Variants in C3AR1 observed in about 807,000 individuals in gnomAD.
C3AR1 encodes complement C3a receptor 1, also known as C3a anaphylatoxin chemotactic receptor.
For missense variants in C3AR1, 579 were observed against 583.5 expected, an observed-to-expected ratio of 0.99 and a Z score of 0.08; for synonymous variants, 208 against 225.3, an observed-to-expected ratio of 0.92 and a Z score of 0.69.
rs186404289 is a variant in C3AR1, at chr12:8,064,727, C to T, written c.-11+1551G>A. On this transcript the variant is annotated intron_variant, in intron 1 of 1. Transcript: ENST00000307637. ...AGAAGAAGAAATTATTCTCATTCCC[C>T]TTTCCATGGCCTTGTCTACTCAGAT... Among the ~76,000 whole-genome samples the T allele has an allele frequency of 3.7e-4, 56 of 151,824 alleles. 1 individual carries two copies. Among genetic ancestry groups the T allele is most frequent in the African/African-American group, 1.3e-3 (54 of 41,424 alleles).
At position 8,059,986 on chromosome 12, in the gene C3AR1, G is replaced by A. The variant is rs751672588; in HGVS notation, c.200C>T (p.Ala67Val). The change falls in exon 2 of 2, where the codon GCG becomes GTG. Residue 67 changes from alanine to valine, a missense_variant. By Grantham distance (64) the Ala-to-Val change is moderately conservative (BLOSUM62 0). Coordinates refer to ENST00000307637, the MANE Select transcript of C3AR1 (RefSeq NM_004054.4). ...NTIWFLHLTL[A>V]DLLCCLSLPF... The stretch of plus-strand genomic sequence containing the variant: ...CAAGGAGAGGCAGCAGAGGAGGTCC[G>A]CCAAGGTGAGGTGGAGGAACCAAAT... 20 of 1,613,926 alleles carry A rather than the reference G, an allele frequency of 1.2e-5. No individual in the cohort carries two copies. Among genetic ancestry groups the A allele is most frequent in the Admixed American group, 6.7e-5 (4 of 59,984 alleles).
In C3AR1 at chr12:8,058,611, T is replaced by G; in HGVS notation, c.*126A>C. 84 of 1,067,004 alleles carry G rather than the reference T, an allele frequency of 7.9e-5. No individual in the cohort carries two copies. The highest frequency in any genetic ancestry group is 1.0e-4 in the Non-Finnish European group (75 of 732,322). 66.1% of individuals were successfully genotyped at this position (1,067,004 alleles called of 1,614,324 possible). ...TGATGTCAATAGTCTGTGTACCGTT[T>G]GAGAACCGCTGGATTGATTCTTTGA... On this transcript the variant is annotated 3_prime_UTR_variant, in exon 2 of 2. Transcript: ENST00000307637.
rs1216592881 is a variant in C3AR1, at chr12:8,057,339, TAATG to T, written c.*1394_*1397del. Among the ~76,000 whole-genome samples the T allele has an allele frequency of 6.6e-6, 1 of 152,206 alleles. No individual in the cohort carries two copies. Among genetic ancestry groups the T allele is most frequent in the Non-Finnish European group, 1.5e-5 (1 of 68,028 alleles). On this transcript the variant is annotated 3_prime_UTR_variant, in exon 2 of 2. Coordinates refer to ENST00000307637, the MANE Select transcript of C3AR1 (RefSeq NM_004054.4). ...CATGAATGAATTAAAATATGGTTAT[TAATG>T]AATGTTGGGATGCTGGATAAACAAA...
intron 1 of C3AR1, among the ~76,000 whole-genome samples, chr12:8,063,232 A>G (rs1947295703): frequency 6.6e-6 from 1 of 152,146 alleles, no homozygotes; most frequent in Non-Finnish European, 1.5e-5. Flanking sequence ...CCGGGATTAC[A>G]GATGTGAGCC....
intron 1 of C3AR1, among the ~76,000 whole-genome samples, chr12:8,062,949 C>CTT (rs71451936): frequency 0.027 from 1,545 of 56,324 alleles, 206 homozygotes; most frequent in African/African-American, 0.04. Context: ...GCGCCCGGCC[C>CTT]TTTTTTTTTT....
At chr12:8,065,696 C>T (rs1413564935) in intron 1 of C3AR1, among the ~76,000 whole-genome samples, 1 of 142,132 alleles carries the variant, frequency 7.0e-6, no homozygotes, top group Non-Finnish European at 1.5e-5. Flanking sequence ...AGCAAGATTA[C>T]TTTTTACATT....
Position 8,059,530 on chromosome 12 carries a change from T to C in C3AR1, c.656A>G (p.Asn219Ser). The stretch of plus-strand genomic sequence containing the variant: ...AGTGGGGACTGTCCAAGGATGATCA[T>C]TTGTTTGGAAAGAGGAAGGATCTAA... The part of the protein sequence containing the change: ...DRLDPSSFQT[N>S]DHPWTVPTVF... The change falls in exon 2 of 2, where the codon AAT becomes AGT. Residue 219 changes from asparagine to serine, a missense_variant. Coordinates refer to ENST00000307637, the MANE Select transcript of C3AR1 (RefSeq NM_004054.4). The C allele has an allele frequency of 6.2e-7, 1 of 1,614,168 alleles. No homozygotes were observed. Among genetic ancestry groups the C allele is most frequent in the South Asian group, 1.1e-5 (1 of 91,080 alleles).
intron 1 of C3AR1, among the ~76,000 whole-genome samples, chr12:8,064,169 T>C (rs760547751): frequency 2.6e-5 from 4 of 152,212 alleles, no homozygotes; most frequent in African/African-American, 4.8e-5. Context: ...AAATTCTAAT[T>C]TGTATCCATG....
chr12:8,063,838 G>A (rs1038758184), intron 1 of C3AR1, among the ~76,000 whole-genome samples: 12 of 151,968 alleles, frequency 7.9e-5, no homozygotes, highest in African/African-American at 2.7e-4. Flanking sequence ...TTGGGGGGCC[G>A]AGGGGAGAAG....
rs1188281739 is a variant in C3AR1, at chr12:8,059,135, T to A, written c.1051A>T (p.Ile351Phe). 6.2e-7 allele frequency: 1 copy of A among 1,614,080 alleles called. No individual in the cohort carries two copies. The highest frequency in any genetic ancestry group is 1.3e-5 in the African/African-American group (1 of 74,922). The stretch of plus-strand genomic sequence containing the variant: ...ATGAAGCTGTAACAGGCTATCATGA[T>A]AACAGAGGGCAGCAGGAAACCCACC... Reference protein sequence around the residue: ...LVVGFLLPSVIMIACYSFIVF... With the variant: ...LVVGFLLPSVFMIACYSFIVF... The change falls in exon 2 of 2, where the codon ATC becomes TTC. Residue 351 changes from isoleucine to phenylalanine, a missense_variant. Ile to Phe is a conservative substitution (Grantham distance 21). Coordinates refer to ENST00000307637, the MANE Select transcript of C3AR1 (RefSeq NM_004054.4).
rs376269642 is a variant in C3AR1 at position 8,059,953 on chromosome 12, G to A, written c.233C>T (p.Ser78Leu). 61 of 1,614,058 alleles carry A rather than the reference G, an allele frequency of 3.8e-5. No individual in the cohort carries two copies. In the South Asian group the frequency reaches 4.8e-4, roughly 13 times the overall value. The change falls in exon 2 of 2, where the codon TCG (serine) becomes TTG (leucine). Residue 78 changes from serine to leucine, a missense_variant. Physicochemically the swap from Ser to Leu is moderately radical, Grantham distance 145. Coordinates refer to ENST00000307637, the MANE Select transcript of C3AR1 (RefSeq NM_004054.4). ...DLLCCLSLPF[S>L]LAHLALQGQW... The stretch of plus-strand genomic sequence containing the variant: ...TCCCTGGAGAGCCAAGTGAGCCAGC[G>A]AGAAGGGCAAGGAGAGGCAGCAGAG...
At chr12:8,062,906 C>T (rs1352360324) in intron 1 of C3AR1, among the ~76,000 whole-genome samples, 7 of 151,102 alleles carry the variant, frequency 4.6e-5, no homozygotes, top group Non-Finnish European at 8.8e-5. Context: ...GCCTCGGCCT[C>T]CCAAAGTGTT....
chr12:8,064,898 G>C (rs919824304), intron 1 of C3AR1, among the ~76,000 whole-genome samples: 3 of 151,770 alleles, frequency 2.0e-5, no homozygotes, highest in African/African-American at 4.8e-5. Flanking sequence ...TTTGTTTGTA[G>C]AGATAGGGTC....
Position 8,059,325 on chromosome 12 carries a change from A to G in C3AR1, c.861T>C (p.Asp287=), listed in dbSNP as rs377091931. 1,043 of 1,614,274 alleles carry G rather than the reference A, an allele frequency of 6.5e-4. 16 individuals are homozygous for G. The South Asian group carries it at 0.011, about 16-fold the overall frequency. ...DHETSPLDNS[D]AFLSTHLKLF... ...GCTTTAAATGAGTAGAGAGAAAAGC[A>G]TCAGAGTTATCCAGTGGGCTGGTTT... The change falls in exon 2 of 2, where the codon GAT becomes GAC. Residue 287 remains aspartate, a synonymous_variant. Coordinates refer to ENST00000307637, the MANE Select transcript of C3AR1 (RefSeq NM_004054.4).
chr12:8,060,327 T>C, intron 1 of C3AR1, 132 bp from the exon 2 acceptor site: 1 of 684,902 alleles, frequency 1.5e-6, no homozygotes, highest in East Asian at 2.7e-5. Flanking sequence ...CTGTTTTAGT[T>C]TGCCTTCCTT....
At chr12:8,063,314 T>C (rs1209264873) in intron 1 of C3AR1, among the ~76,000 whole-genome samples, 3 of 152,176 alleles carry the variant, frequency 2.0e-5, no homozygotes, top group Admixed American at 2.0e-4. Flanking sequence ...TCTGCTAAAA[T>C]TACTTCTAAA....
intron 1 of C3AR1, among the ~76,000 whole-genome samples, chr12:8,061,511 G>GGAGT (rs1467021899): frequency 6.6e-6 from 1 of 151,976 alleles, no homozygotes; most frequent in African/African-American, 2.4e-5. Flanking sequence ...CATTCAGGCT[G>GGAGT]GAGTGCAGTG....
intron 1 of C3AR1, among the ~76,000 whole-genome samples, chr12:8,061,059 G>C (rs757817505): frequency 2.0e-5 from 3 of 152,116 alleles, no homozygotes; most frequent in Non-Finnish European, 4.4e-5. Flanking sequence ...ACAGAAAGAG[G>C]TACTCTAGAC....
chr12:8,059,835 G>A lies in C3AR1; in HGVS notation c.351C>T (p.Ser117=), dbSNP rs1382919589. Residue 117 remains serine (S), a synonymous_variant, in exon 2 of 2, where the codon AGC becomes AGT. Transcript: ENST00000307637. ...TGAATACCACAAGACAGCGATCCAG[G>A]CTAATGGCAGTAAGCAGGAAGACAC... ...FASVFLLTAI[S]LDRCLVVFKP... 1.2e-6 allele frequency: 2 copies of A among 1,614,150 alleles called. No individual in the cohort carries two copies. The highest frequency in any genetic ancestry group is 3.3e-5 in the Admixed American group (2 of 60,028).
Sources: gnomAD v4.1 joint callset for allele counts (sites outside exome capture counted in the v4.1 genomes callset) on GRCh38, gnomAD v4.1.1 for gene constraint, MANE v1.5 for transcripts, NCBI Gene and HGNC (gene_info 2026-07-23, HGNC 2026-07-21) for gene names.